Variants in CDH2 observed in about 807,000 individuals in gnomAD.
CDH2 encodes the protein cadherin 2.
In CDH2, 17 loss-of-function variants were observed where a neutral mutation model predicts 92.0. That is an observed-to-expected ratio of 0.18 (90% CI 0.13 to 0.28). The LOEUF (loss-of-function observed/expected upper bound fraction) is 0.28. CDH2 is among the 10% of genes least tolerant of loss of function. CDH2 has a pLI of 1.00. For synonymous variants in CDH2, 419 were observed against 415.9 expected (o/e 1.01, Z -0.09); for missense variants, 862 against 1,133.1 (o/e 0.76, Z 3.44).
chr18:28,138,835 G>A (rs1030113779), intron 2 of CDH2, among the ~76,000 whole-genome samples: 8 of 152,032 alleles, frequency 5.3e-5, no homozygotes, highest in African/African-American at 9.7e-5. Flanking sequence ...TTTTAGAAAC[G>A]TTATGCTTCA....
At chr18:27,985,868 T>TA (rs1183842131) in intron 11 of CDH2, 107 bp from the exon 12 acceptor site, 12 of 675,136 alleles carry the variant, frequency 1.8e-5, no homozygotes, top group Non-Finnish European at 3.0e-5. Flanking sequence ...TTTAACTGTG[T>TA]AACCTTGGAA....
chr18:28,143,906 C>G (rs554056003), intron 2 of CDH2, among the ~76,000 whole-genome samples: 1 of 152,028 alleles, frequency 6.6e-6, no homozygotes, highest in African/African-American at 2.4e-5. Context: ...AAAAGAAAAC[C>G]AAACACTGAA....
At chr18:27,960,504 T>A (rs2011373425) in intron 15 of CDH2, among the ~76,000 whole-genome samples, 1 of 152,108 alleles carries the variant, frequency 6.6e-6, no homozygotes, top group Non-Finnish European at 1.5e-5. Flanking sequence ...GAAAGCCAAA[T>A]AAGAACCAGA....
chr18:28,025,824 G>A (rs1331864228), intron 2 of CDH2, among the ~76,000 whole-genome samples: 2 of 151,878 alleles, frequency 1.3e-5, no homozygotes, highest in African/African-American at 2.4e-5. Context: ...GTGCATATAC[G>A]ATTTTGAATA....
At chr18:28,062,541 A>C (rs1454851219) in intron 2 of CDH2, among the ~76,000 whole-genome samples, 1 of 152,218 alleles carries the variant, frequency 6.6e-6, no homozygotes, top group Non-Finnish European at 1.5e-5. Context: ...GAGTCAAGTA[A>C]TCCATGCTGT....
Position 28,177,117 on chromosome 18 carries a change from C to A in CDH2, c.-95G>T. On this transcript the variant is annotated 5_prime_UTR_variant, in exon 1 of 16. Coordinates refer to ENST00000269141, the MANE Select transcript of CDH2 (RefSeq NM_001792.5). Reference sequence around the variant, plus strand: ...GAGGCAGCGGCAGCACCAACAGCGGCGCGGAGAAACGGCTCCAGGCAGTTT... The same window carrying A: ...GAGGCAGCGGCAGCACCAACAGCGGAGCGGAGAAACGGCTCCAGGCAGTTT... The A allele has an allele frequency of 3.5e-6, 3 of 863,774 alleles. 1 individual carries two copies. The highest frequency in any genetic ancestry group is 3.4e-5 in the South Asian group (2 of 59,492). 53.5% of individuals were successfully genotyped at this position (863,774 alleles called of 1,614,324 possible).
chr18:28,128,661 G>A (rs1160341883), intron 2 of CDH2, among the ~76,000 whole-genome samples: 1 of 151,768 alleles, frequency 6.6e-6, no homozygotes, highest in Non-Finnish European at 1.5e-5. Flanking sequence ...ACTCCAGCCT[G>A]GGAAACAGGG....
At chr18:28,131,000 C>G (rs1053351171) in intron 2 of CDH2, among the ~76,000 whole-genome samples, 1 of 152,142 alleles carries the variant, frequency 6.6e-6, no homozygotes, top group African/African-American at 2.4e-5. Flanking sequence ...TTAATAAAAA[C>G]AGCTCCTTAC....
At chr18:28,112,663 T>C (rs2015432075) in intron 2 of CDH2, among the ~76,000 whole-genome samples, 1 of 152,120 alleles carries the variant, frequency 6.6e-6, no homozygotes, top group Non-Finnish European at 1.5e-5. Context: ...ATAAATATCT[T>C]CTAATTAGTC....
chr18:28,051,167 A>G (rs1390186540), intron 2 of CDH2, among the ~76,000 whole-genome samples: 2 of 152,146 alleles, frequency 1.3e-5, no homozygotes, highest in Non-Finnish European at 2.9e-5. Flanking sequence ...GTATTATATT[A>G]TTGTTAATAT....
intron 2 of CDH2, among the ~76,000 whole-genome samples, chr18:28,056,373 C>G (rs1222192834): frequency 6.6e-6 from 1 of 152,110 alleles, no homozygotes; most frequent in African/African-American, 2.4e-5. Flanking sequence ...TTTATTTGCT[C>G]TTAACAGGAA....
rs540265163 is a variant in CDH2, at chr18:27,952,000, C to T, written c.*153G>A. 2 of 657,764 alleles carry T rather than the reference C, an allele frequency of 3.0e-6. No homozygotes were observed. Among genetic ancestry groups the T allele is most frequent in the South Asian group, 3.6e-5 (2 of 55,502 alleles). The allele number at this position is 657,764 out of a possible 1,614,324, so 40.7% of individuals were successfully genotyped here. A position where few individuals can be genotyped will look rare whatever the true frequency, so the allele number is the denominator to read the frequency against. ...AAACAGTATGGATCACTGATATTCC[C>T]TCTGAGCCCAAATTGGTTTGCAGCC... On this transcript the variant is annotated 3_prime_UTR_variant, in exon 16 of 16. Transcript: ENST00000269141.
At chr18:27,945,269 C>T (rs1222827560) in intron 6 of CDH2, among the ~76,000 whole-genome samples, 4 of 149,446 alleles carry the variant, frequency 2.7e-5, no homozygotes, top group Non-Finnish European at 5.9e-5. Flanking sequence ...GCTTTCTCCC[C>T]TCTGAGTCCT....
At chr18:28,098,537 C>T (rs944281123) in intron 2 of CDH2, among the ~76,000 whole-genome samples, 1 of 151,616 alleles carries the variant, frequency 6.6e-6, no homozygotes, top group African/African-American at 2.4e-5. Context: ...GACCACATGG[C>T]CGATAGCACT....
At chr18:28,057,537 G>A (rs1342822195) in intron 2 of CDH2, among the ~76,000 whole-genome samples, 2 of 152,044 alleles carry the variant, frequency 1.3e-5, no homozygotes, top group African/African-American at 2.4e-5. Context: ...GCATGGTGGT[G>A]TGCACCTGTA....
chr18:28,057,568 G>A (rs973288945), intron 2 of CDH2, among the ~76,000 whole-genome samples: 2 of 151,944 alleles, frequency 1.3e-5, no homozygotes, highest in Non-Finnish European at 2.9e-5. Context: ...CTGGGTAGTC[G>A]AGGCAGGAGA....
In CDH2 at chr18:28,110,692, G is replaced by T. The variant is rs1333241557; in HGVS notation, c.172+36981C>A. ...CTAAAAGAAAGAAATTAATGATCGT[G>T]AAATCAATGCATACTGTAATTGCTA... On this transcript the variant is annotated intron_variant, in intron 2 of 15. Transcript: ENST00000269141. Among the ~76,000 whole-genome samples, 14 of 152,234 alleles carry T rather than the reference G, an allele frequency of 9.2e-5. No individual in the cohort carries two copies. In the East Asian group the frequency reaches 2.7e-3, roughly 29 times the overall value.
At chr18:28,067,885 A>G (rs1463246449) in intron 2 of CDH2, among the ~76,000 whole-genome samples, 1 of 152,180 alleles carries the variant, frequency 6.6e-6, no homozygotes, top group African/African-American at 2.4e-5. Context: ...TTCTATAATG[A>G]TAAATTATCT....
chr18:28,089,477 G>A (rs113008183), intron 2 of CDH2, among the ~76,000 whole-genome samples: 28 of 151,988 alleles, frequency 1.8e-4, no homozygotes, highest in Non-Finnish European at 2.9e-5. Context: ...GGGTTATTAT[G>A]CCTTACTATA....
Sources: gnomAD v4.1 joint callset for allele counts (sites outside exome capture counted in the v4.1 genomes callset) on GRCh38, gnomAD v4.1.1 for gene constraint, MANE v1.5 for transcripts, NCBI Gene and HGNC (gene_info 2026-07-23, HGNC 2026-07-21) for gene names.